Variants in PDZD8 observed in about 807,000 individuals in gnomAD.
PDZD8 encodes PDZ domain containing 8.
A neutral mutation model predicts 85.8 loss-of-function variants in PDZD8; 14 were observed. The ratio of observed to expected loss-of-function variants is 0.16; its 90% confidence interval spans 0.11 to 0.26. The LOEUF (loss-of-function observed/expected upper bound fraction) is 0.26. Among genes scored for constraint, PDZD8 ranks in the 10% least tolerant of loss-of-function variants. PDZD8 has a pLI of 1.00. For synonymous variants in PDZD8, 592 were observed against 568.6 expected (o/e 1.04, Z -0.59); for missense variants, 1,197 against 1,424.3 (o/e 0.84, Z 2.57).
At chr10:117,295,454 A>G (rs1347045268) in intron 3 of PDZD8, among the ~76,000 whole-genome samples, 1 of 151,946 alleles carries the variant, frequency 6.6e-6, no homozygotes, top group Admixed American at 6.6e-5. Flanking sequence ...GTACATGGTT[A>G]TATCAATTAT....
At chr10:117,310,395 C>T (rs1369152307) in intron 3 of PDZD8, among the ~76,000 whole-genome samples, 1 of 152,176 alleles carries the variant, frequency 6.6e-6, no homozygotes, top group African/African-American at 2.4e-5. Flanking sequence ...ATGCCTTACA[C>T]CTCATACTCA....
intron 1 of PDZD8, among the ~76,000 whole-genome samples, chr10:117,357,658 C>T (rs991657524): frequency 8.7e-5 from 13 of 149,680 alleles, no homozygotes; most frequent in African/African-American, 2.9e-4. Context: ...CCCAGCTACT[C>T]GGGAGGCTGA....
At chr10:117,370,435 C>T (rs1049621215) in intron 1 of PDZD8, among the ~76,000 whole-genome samples, 15 of 152,134 alleles carry the variant, frequency 9.9e-5, no homozygotes, top group Admixed American at 3.3e-4. Flanking sequence ...GTAATAACAA[C>T]GTTAACTGGC....
intron 1 of PDZD8, among the ~76,000 whole-genome samples, chr10:117,356,364 T>G (rs996344746): frequency 2.0e-5 from 3 of 152,102 alleles, no homozygotes; most frequent in Non-Finnish European, 1.5e-5. Context: ...TCATTAAAAT[T>G]TGAAAATAAC....
intron 1 of PDZD8, among the ~76,000 whole-genome samples, chr10:117,349,845 T>G (rs1242599309): frequency 6.6e-6 from 1 of 151,976 alleles, no homozygotes; most frequent in African/African-American, 2.4e-5. Flanking sequence ...AAAGATGTAG[T>G]TCAGTGAATG....
intron 3 of PDZD8, among the ~76,000 whole-genome samples, chr10:117,309,216 C>CTGT (rs1843993422): frequency 6.6e-6 from 1 of 152,048 alleles, no homozygotes; most frequent in Non-Finnish European, 1.5e-5. Flanking sequence ...AGTTTTATGA[C>CTGT]TGTTGCCTCC....
chr10:117,282,453 T>C lies in PDZD8; in HGVS notation c.*815A>G, dbSNP rs955128974. The stretch of plus-strand genomic sequence containing the variant: ...ATTATATTTCAAAATGCTATGTTAC[T>C]GTTTTTCAGTAATTAAGTCTTGTTA... On this transcript the variant is annotated 3_prime_UTR_variant, in exon 5 of 5. Coordinates refer to ENST00000334464, the MANE Select transcript of PDZD8 (RefSeq NM_173791.5). The C allele has an allele frequency of 3.3e-5, 5 of 152,230 alleles. No individual in the cohort carries two copies. In the East Asian group the frequency reaches 5.8e-4, roughly 18 times the overall value. 9.4% of individuals were successfully genotyped at this position (152,230 alleles called of 1,614,324 possible).
chr10:117,369,110 A>G (rs1423365009), intron 1 of PDZD8, among the ~76,000 whole-genome samples: 1 of 151,856 alleles, frequency 6.6e-6, no homozygotes, highest in Non-Finnish European at 1.5e-5. Context: ...CTGAGATTAC[A>G]GGCATCAGCC....
chr10:117,350,891 GA>G (rs11315947), intron 1 of PDZD8, among the ~76,000 whole-genome samples: 33,665 of 127,494 alleles, frequency 0.26, 4,644 homozygotes, highest in East Asian at 0.48. Context: ...GTGACAAAGT[GA>G]AAAAAAAAAA....
chr10:117,358,699 T>G (rs903041875), intron 1 of PDZD8, among the ~76,000 whole-genome samples: 2 of 152,170 alleles, frequency 1.3e-5, no homozygotes, highest in African/African-American at 2.4e-5. Flanking sequence ...GCTCTAATAC[T>G]TACTAGCCTT....
chr10:117,317,460 G>T (rs1357036318), intron 3 of PDZD8, among the ~76,000 whole-genome samples: 1 of 152,034 alleles, frequency 6.6e-6, no homozygotes, highest in Non-Finnish European at 1.5e-5. Context: ...TAATAACCTA[G>T]AATTCTTTCC....
In PDZD8 at chr10:117,285,278, C is replaced by G. The variant is rs763242837; in HGVS notation, c.1455G>C (p.Leu485Phe). 4 of 1,614,190 alleles carry G rather than the reference C, an allele frequency of 2.5e-6. No homozygotes were observed. In the Admixed American group the frequency reaches 6.7e-5, roughly 27 times the overall value. The change falls in exon 5 of 5, where the codon TTG becomes TTC. Residue 485 changes from leucine to phenylalanine, a missense_variant. Leu to Phe is a conservative substitution (Grantham distance 22, BLOSUM62 0). Coordinates refer to ENST00000334464, the MANE Select transcript of PDZD8 (RefSeq NM_173791.5). The stretch of plus-strand genomic sequence containing the variant: ...GCTCTCTACTTTCAGTATCTACTGT[C>G]AACCCGGCAGCTTCCTCTTCATAAC... ...QSGYEEEAAG[L>F]TVDTESRELD... is the part of the protein sequence containing the mutation.
intron 3 of PDZD8, among the ~76,000 whole-genome samples, chr10:117,315,600 A>AC (rs1554853451): frequency 8.3e-5 from 12 of 145,354 alleles, no homozygotes; most frequent in Admixed American, 1.4e-4. Context: ...AAAAAAAAAA[A>AC]AAAAAAAAAA....
chr10:117,349,515 A>G (rs1844766676), intron 1 of PDZD8, among the ~76,000 whole-genome samples: 1 of 152,206 alleles, frequency 6.6e-6, no homozygotes, highest in South Asian at 2.1e-4. Flanking sequence ...ATATAAAAAT[A>G]AGGATGGCCA....
intron 1 of PDZD8, among the ~76,000 whole-genome samples, chr10:117,360,728 A>C (rs556217997): frequency 6.6e-6 from 1 of 151,672 alleles, no homozygotes; most frequent in East Asian, 1.9e-4. Context: ...TACAATACCA[A>C]GGTGTACAAG....
chr10:117,333,117 CAAAAAAAAAAA>C (rs752527474), intron 2 of PDZD8, among the ~76,000 whole-genome samples: 132 of 7,262 alleles, frequency 0.018, 3 homozygotes, highest in African/African-American at 0.03. Context: ...GACTCTGTCT[CAAAAAAAAAAA>C]AAAAAAAAAA....
intron 1 of PDZD8, 102 bp from the exon 2 acceptor site, chr10:117,341,204 C>A: frequency 8.1e-7 from 1 of 1,238,294 alleles, no homozygotes; most frequent in Non-Finnish European, 1.1e-6. Flanking sequence ...AAATGAACAC[C>A]TAATACTACA....
chr10:117,349,449 T>C (rs1181152180), intron 1 of PDZD8, among the ~76,000 whole-genome samples: 2 of 152,194 alleles, frequency 1.3e-5, no homozygotes, highest in African/African-American at 4.8e-5. Flanking sequence ...ATAGACATAA[T>C]AATGTAAAAA....
Position 117,284,317 on chromosome 10 carries a change from C to CTACA in PDZD8, c.2412_2415dup (p.Val806CysfsTer4). On this transcript the variant is annotated frameshift_variant, in exon 5 of 5. Coordinates refer to ENST00000334464, the MANE Select transcript of PDZD8 (RefSeq NM_173791.5). LOFTEE classifies it high-confidence loss of function. ...TCTTTTTCTTTTTCTACGTTAGTAA[C>CTACA]TACATGGTGGTCTGATTCTCCTTCT... 1 of 1,614,120 alleles carries CTACA rather than the reference C, an allele frequency of 6.2e-7. No homozygotes were observed.
Sources: allele counts gnomAD v4.1 joint callset (sites outside exome capture counted in the v4.1 genomes callset), GRCh38; gene constraint gnomAD v4.1.1; transcripts MANE v1.5; gene names NCBI Gene and HGNC (gene_info 2026-07-23, HGNC 2026-07-21).